The following HGD variants were observed in gnomAD, a reference collection of about 807,000 sequenced individuals.
HGD encodes homogentisate oxidase.
HGD carries 61 observed loss-of-function variants against 60.8 expected under a neutral mutation model. The ratio of observed to expected loss-of-function variants is 1.00; its 90% CI spans 0.82 to 1.24. The LOEUF (loss-of-function observed/expected upper bound fraction) is 1.24, where lower values mean the gene tolerates loss of function less well. Among genes scored for constraint, HGD ranks in the 50% most tolerant of loss-of-function variants. The pLI is 0.00. For synonymous variants in HGD, 212 were observed against 187.7 expected (o/e 1.13, Z -1.06); for missense variants, 542 against 547.1 (o/e 0.99, Z 0.09).
intron 13 of HGD, 130 bp downstream of exon 13, chr3:120,633,017 C>T (rs1940637234): frequency 2.6e-6 from 2 of 777,172 alleles, no homozygotes; most frequent in Non-Finnish European, 4.4e-6. Flanking sequence ...TGTAAACATA[C>T]TTATGCAGTC....
At chr3:120,670,169 C>T (rs1338748782) in intron 4 of HGD, 1 of 500,234 alleles carries the variant, frequency 2.0e-6, no homozygotes, top group African/African-American at 1.9e-5. Context: ...TTGAGGCCTC[C>T]TCAGCCATGC....
chr3:120,653,828 G>A (rs998759506), intron 4 of HGD, among the ~76,000 whole-genome samples: 1 of 152,214 alleles, frequency 6.6e-6, no homozygotes, highest in African/African-American at 2.4e-5. Flanking sequence ...ACTATTGACA[G>A]TTTACACGAA....
intron 4 of HGD, among the ~76,000 whole-genome samples, chr3:120,658,538 C>T (rs951427300): frequency 1.3e-5 from 2 of 152,172 alleles, no homozygotes; most frequent in African/African-American, 4.8e-5. Flanking sequence ...CCATTGAGTG[C>T]CTGTGGCTTT....
At chr3:120,655,644 A>G (rs1324858948) in intron 4 of HGD, among the ~76,000 whole-genome samples, 1 of 152,210 alleles carries the variant, frequency 6.6e-6, no homozygotes, top group African/African-American at 2.4e-5. Flanking sequence ...CAGAGGATTA[A>G]TAGGAAGAGT....
intron 6 of HGD, among the ~76,000 whole-genome samples, chr3:120,648,390 C>T (rs1312684423): frequency 1.3e-5 from 2 of 152,164 alleles, no homozygotes; most frequent in Non-Finnish European, 2.9e-5. Context: ...GGGGAGGTGG[C>T]CTGATATGAG....
chr3:120,674,623 A>G (rs1708087449), intron 3 of HGD: 1 of 379,392 alleles, frequency 2.6e-6, no homozygotes, highest in Non-Finnish European at 5.1e-6. Flanking sequence ...CCAAACTATT[A>G]GGAATATTTC....
In HGD at chr3:120,633,130, GCAGTTAACATACT is replaced by G; in HGVS notation, c.1188+4_1188+16del. 6.2e-7 allele frequency: 1 copy of G among 1,612,964 alleles called. No individual in the cohort carries two copies. Among genetic ancestry groups the G allele is most frequent in the Non-Finnish European group, 8.5e-7 (1 of 1,179,096 alleles). ...GGAGTTCAGAGGCCGCTGGAATGTG[GCAGTTAACATACT>G]TACCATGGTGCCATCGGCAATCCTC... On this transcript the variant is annotated splice_donor_5th_base_variant and intron_variant, in intron 13 of 13. Coordinates refer to ENST00000283871, the MANE Select transcript of HGD (RefSeq NM_000187.4).
At position 120,633,227 on chromosome 3, in the gene HGD, G is replaced by A; in HGVS notation, c.1108C>T (p.Pro370Ser). 6.2e-7 allele frequency: 1 copy of A among 1,614,120 alleles called. No individual in the cohort carries two copies. Among genetic ancestry groups the A allele is most frequent in the African/African-American group, 1.3e-5 (1 of 75,014 alleles). Reference protein sequence around the residue: ...GGGSLHSTMTPHGPDADCFEK... With the variant: ...GGGSLHSTMTSHGPDADCFEK... ...AAGCAGTCAGCATCAGGTCCATGGGGGGTCATTGTGCTGTGTAGACTCCCT... is the reference window on the plus strand; with the variant it reads ...AAGCAGTCAGCATCAGGTCCATGGGAGGTCATTGTGCTGTGTAGACTCCCT... The change falls in exon 13 of 14, where the codon CCC becomes TCC. Residue 370 changes from proline (P) to serine (S), a missense_variant. Pro to Ser is a moderately conservative substitution (Grantham distance 74, BLOSUM62 -1). This residue lies in a region of HGD where 537 missense variants were observed against 529.1 expected (regional missense o/e 1.01). Coordinates refer to ENST00000283871, the MANE Select transcript of HGD (RefSeq NM_000187.4).
intron 12 of HGD, among the ~76,000 whole-genome samples, chr3:120,635,150 G>A (rs1349849153): frequency 1.3e-5 from 2 of 152,072 alleles, no homozygotes; most frequent in Non-Finnish European, 2.9e-5. Flanking sequence ...TATTTCAAAG[G>A]ACAGTGGGAG....
chr3:120,628,669 G>A lies in HGD; in HGVS notation c.1189-140C>T. On this transcript the variant is annotated intron_variant, in intron 13 of 13. Transcript: ENST00000283871. ...GATTTGTGTGCTAGAGTGGTGAGGA[G>A]AGCAGGCTCAAGCCCTGAGTTGTGG... 5.9e-6 allele frequency: 6 copies of A among 1,011,456 alleles called. No homozygotes were observed. In the South Asian group the frequency reaches 6.8e-5, roughly 12 times the overall value. The allele number at this position is 1,011,456 out of a possible 1,614,324, so 62.7% of individuals were successfully genotyped here. A position where few individuals can be genotyped will look rare whatever the true frequency, so the allele number is the denominator to read the frequency against.
chr3:120,659,956 C>A (rs1941612784), intron 4 of HGD, among the ~76,000 whole-genome samples: 2 of 146,922 alleles, frequency 1.4e-5, no homozygotes, highest in African/African-American at 2.5e-5. Context: ...GGGGTGGTTG[C>A]ATAATGGGGG....
At chr3:120,637,307 GA>G (rs63466560) in intron 12 of HGD, among the ~76,000 whole-genome samples, 214 of 113,718 alleles carry the variant, frequency 1.9e-3, no homozygotes, top group Middle Eastern at 4.5e-3. Flanking sequence ...TTAATTTTCT[GA>G]AAAAAAAAAA....
At chr3:120,651,794 AT>A (rs1941350461) in intron 5 of HGD, among the ~76,000 whole-genome samples, 1 of 152,170 alleles carries the variant, frequency 6.6e-6, no homozygotes, top group Non-Finnish European at 1.5e-5. Flanking sequence ...CCTGGGACCT[AT>A]AACTACCAAA....
At position 120,680,087 on chromosome 3, in the gene HGD, T is replaced by G. The variant is rs929710926; in HGVS notation, c.15+2010A>C. 1.7e-4 allele frequency among the ~76,000 whole-genome samples: 26 copies of G among 152,324 alleles called. 1 individual carries two copies. The highest frequency in any genetic ancestry group is 5.1e-4 in the African/African-American group (21 of 41,574). On this transcript the variant is annotated intron_variant, in intron 1 of 13. Coordinates refer to ENST00000283871, the MANE Select transcript of HGD (RefSeq NM_000187.4). The stretch of plus-strand genomic sequence containing the variant: ...GCCCAGAGCCTGAATATTAAGCAAG[T>G]TCTTCGTTTTAGAAATGAGGAAACC...
At chr3:120,654,217 T>C (rs765093484) in intron 4 of HGD, among the ~76,000 whole-genome samples, 20 of 152,284 alleles carry the variant, frequency 1.3e-4, no homozygotes, top group Non-Finnish European at 2.6e-4. Flanking sequence ...AAGAGTCATC[T>C]TTCTGGATTT....
At chr3:120,663,034 G>GAAGA (rs1707814385) in intron 4 of HGD, among the ~76,000 whole-genome samples, 2 of 152,116 alleles carry the variant, frequency 1.3e-5, no homozygotes, top group Admixed American at 1.3e-4. Context: ...AGAGGCCTCA[G>GAAGA]AAGAAAGCAA....
chr3:120,644,605 G>A, intron 9 of HGD, 162 bp from the exon 10 acceptor site: 1 of 1,535,366 alleles, frequency 6.5e-7, no homozygotes. Flanking sequence ...TACCTTTTAG[G>A]AAGACCCAAG....
chr3:120,628,291 A>C lies in HGD; in HGVS notation c.*89T>G. ...TGAAAAGTGAATTTTCATTTTAACC[A>C]ACCCCCTCCTCCAATACTACCAGAA... is the stretch of plus-strand genomic sequence containing the variant. On this transcript the variant is annotated 3_prime_UTR_variant, in exon 14 of 14. Transcript: ENST00000283871. 2 of 1,427,772 alleles carry C rather than the reference A, an allele frequency of 1.4e-6. No homozygotes were observed. The highest frequency in any genetic ancestry group is 2.0e-6 in the Non-Finnish European group (2 of 1,014,490). The allele number at this position is 1,427,772 out of a possible 1,614,324, so 88.4% of individuals were successfully genotyped here. A position where few individuals can be genotyped will look rare whatever the true frequency, so the allele number is the denominator to read the frequency against.
In HGD at chr3:120,680,106, G is replaced by A. The variant is rs145135084; in HGVS notation, c.15+1991C>T. On this transcript the variant is annotated intron_variant, in intron 1 of 13. Transcript: ENST00000283871. ...AGCAAGTTCTTCGTTTTAGAAATGA[G>A]GAAACCAAGGTTGGGAGAAGCTAAG... 2.0e-5 allele frequency among the ~76,000 whole-genome samples: 3 copies of A among 152,202 alleles called. No homozygotes were observed. The East Asian group carries it at 5.8e-4, about 29-fold the overall frequency.
Sources: allele counts gnomAD v4.1 joint callset (sites outside exome capture counted in the v4.1 genomes callset), GRCh38; gene constraint gnomAD v4.1.1; regional missense constraint gnomAD v4.1.1; transcripts MANE v1.5; gene names NCBI Gene and HGNC (gene_info 2026-07-23, HGNC 2026-07-21).